Variants in CDYL2 observed in about 807,000 individuals in gnomAD.
The protein encoded by CDYL2 is chromodomain Y like 2, also known as chromodomain Y-like protein 2.
Under a neutral mutation model 49.4 loss-of-function variants are expected in CDYL2, and 23 were observed. The ratio of observed to expected loss-of-function variants is 0.47; its 90% CI spans 0.34 to 0.66. CDYL2 has a LOEUF of 0.66. CDYL2 is among the 30% of genes least tolerant of loss of function. The pLI, the probability that CDYL2 is intolerant of heterozygous loss-of-function variation, is 0.01. For synonymous variants in CDYL2, 360 were observed against 268.8 expected, an observed-to-expected ratio of 1.34 and a Z score of -3.32; for missense variants, 678 against 656.4, an observed-to-expected ratio of 1.03 and a Z score of -0.36.
At position 80,620,949 on chromosome 16, in the gene CDYL2, T is replaced by C. The variant is rs747606512; in HGVS notation, c.835-14A>G. The C allele has an allele frequency of 1.9e-6, 3 of 1,582,910 alleles. No homozygotes were observed. Among genetic ancestry groups the C allele is most frequent in the African/African-American group, 2.7e-5 (2 of 74,152 alleles). On this transcript the variant is annotated splice_polypyrimidine_tract_variant and intron_variant, in intron 3 of 6. Transcript: ENST00000570137. ...TTCTTTCATGATCTGCCGGCAGAGATGAATTTGCAGGGATGTTAAGTGTCT... is the reference window on the plus strand; with the variant it reads ...TTCTTTCATGATCTGCCGGCAGAGACGAATTTGCAGGGATGTTAAGTGTCT...
At chr16:80,636,661 C>G (rs1024538243) in intron 2 of CDYL2, among the ~76,000 whole-genome samples, 1 of 152,156 alleles carries the variant, frequency 6.6e-6, no homozygotes, top group Non-Finnish European at 1.5e-5. Flanking sequence ...CCTCAAGGAT[C>G]TAGAACTAGA....
At chr16:80,693,708 G>C (rs999777861) in intron 1 of CDYL2, among the ~76,000 whole-genome samples, 1 of 152,140 alleles carries the variant, frequency 6.6e-6, no homozygotes, top group Non-Finnish European at 1.5e-5. Context: ...CTACACAAGG[G>C]AATCTTTAGG....
intron 1 of CDYL2, among the ~76,000 whole-genome samples, chr16:80,774,324 T>C (rs59305668): frequency 0.11 from 16,623 of 151,500 alleles, 1,743 homozygotes; most frequent in African/African-American, 0.27. Context: ...TGCGATCTTA[T>C]TTATATGTGG....
At chr16:80,661,393 T>G (rs1909038787) in intron 2 of CDYL2, among the ~76,000 whole-genome samples, 1 of 152,038 alleles carries the variant, frequency 6.6e-6, no homozygotes, top group African/African-American at 2.4e-5. Flanking sequence ...TTCCCCAGAG[T>G]CCTTTCTCTC....
intron 2 of CDYL2, among the ~76,000 whole-genome samples, chr16:80,683,187 G>A (rs1224446926): frequency 6.6e-6 from 1 of 152,204 alleles, no homozygotes; most frequent in South Asian, 2.1e-4. Context: ...CACGCACCCT[G>A]GTTTCATCAG....
intron 1 of CDYL2, among the ~76,000 whole-genome samples, chr16:80,704,112 T>C (rs549885642): frequency 1.6e-4 from 24 of 152,278 alleles, no homozygotes; most frequent in African/African-American, 5.8e-4. Flanking sequence ...TGAGGTACAT[T>C]AGATGGTGCT....
At chr16:80,716,467 C>T (rs567950679) in intron 1 of CDYL2, among the ~76,000 whole-genome samples, 3 of 150,092 alleles carry the variant, frequency 2.0e-5, no homozygotes, top group East Asian at 2.0e-4. Flanking sequence ...GATGAATGGA[C>T]GGATAGCTGG....
chr16:80,692,990 A>T (rs1327091728), intron 1 of CDYL2, among the ~76,000 whole-genome samples: 1 of 152,192 alleles, frequency 6.6e-6, no homozygotes, highest in African/African-American at 2.4e-5. Flanking sequence ...CTCAATAATA[A>T]AAAGGAATGA....
intron 1 of CDYL2, among the ~76,000 whole-genome samples, chr16:80,771,115 A>G (rs561840875): frequency 6.6e-6 from 1 of 152,306 alleles, no homozygotes; most frequent in South Asian, 2.1e-4. Context: ...CATCTTTGTA[A>G]GTGGTTTAAG....
At chr16:80,724,968 G>A (rs1905117747) in intron 1 of CDYL2, among the ~76,000 whole-genome samples, 1 of 152,172 alleles carries the variant, frequency 6.6e-6, no homozygotes, top group South Asian at 2.1e-4. Context: ...ACTGAACTAA[G>A]AATGAAATCC....
At chr16:80,641,897 T>C (rs1270215874) in intron 2 of CDYL2, among the ~76,000 whole-genome samples, 1 of 145,474 alleles carries the variant, frequency 6.9e-6, no homozygotes, top group Non-Finnish European at 1.5e-5. Flanking sequence ...TAAAGTATAA[T>C]AATAAAAAAA....
chr16:80,703,521 A>G (rs751083065), intron 1 of CDYL2, among the ~76,000 whole-genome samples: 2 of 152,126 alleles, frequency 1.3e-5, no homozygotes, highest in Non-Finnish European at 2.9e-5. Context: ...GCTGGTGCCC[A>G]TGAGTCAATG....
chr16:80,789,201 G>A (rs1219737803), intron 1 of CDYL2, among the ~76,000 whole-genome samples: 1 of 152,142 alleles, frequency 6.6e-6, no homozygotes, highest in Non-Finnish European at 1.5e-5. Flanking sequence ...AACCTCTATG[G>A]AAAACAGTAT....
intron 1 of CDYL2, among the ~76,000 whole-genome samples, chr16:80,696,596 A>T (rs2142494618): frequency 6.6e-6 from 1 of 152,238 alleles, no homozygotes; most frequent in African/African-American, 2.4e-5. Context: ...AACAAATTGG[A>T]AAGCCTAGAC....
rs886091903 is a variant in CDYL2, at chr16:80,620,870, G to A, written c.900C>T (p.Leu300=). The A allele has an allele frequency of 6.8e-6, 11 of 1,612,462 alleles. No homozygotes were observed. The highest frequency in any genetic ancestry group is 2.2e-5 in the East Asian group (1 of 44,830). The part of the protein sequence containing the change: ...AATDDSKLLL[L]SAVGSVFCSG... ...TGCAGAACACGCTCCCCACTGCGCTGAGGAGCAGCAGTTTGCTGTCGTCTG... is the reference window on the plus strand; with the variant it reads ...TGCAGAACACGCTCCCCACTGCGCTAAGGAGCAGCAGTTTGCTGTCGTCTG... The change falls in exon 4 of 7, where the codon CTC becomes CTT. Residue 300 remains leucine (L), a synonymous_variant. Coordinates refer to ENST00000570137, the MANE Select transcript of CDYL2 (RefSeq NM_152342.4).
intron 2 of CDYL2, among the ~76,000 whole-genome samples, chr16:80,681,091 T>C (rs1909950559): frequency 1.3e-5 from 2 of 152,136 alleles, no homozygotes; most frequent in Non-Finnish European, 2.9e-5. Flanking sequence ...CCACAGTAGA[T>C]CAGGGAAGTC....
intron 1 of CDYL2, among the ~76,000 whole-genome samples, chr16:80,710,148 C>T (rs1029728913): frequency 2.6e-5 from 4 of 152,046 alleles, no homozygotes; most frequent in African/African-American, 7.2e-5. Context: ...AGGCTGGTCT[C>T]GAACTCCTGA....
intron 1 of CDYL2, among the ~76,000 whole-genome samples, chr16:80,728,351 T>C (rs1244479694): frequency 6.6e-6 from 1 of 151,892 alleles, no homozygotes; most frequent in Non-Finnish European, 1.5e-5. Context: ...GTATCAGTGA[T>C]GGAAGATGAA....
At chr16:80,659,890 G>C (rs1908971558) in intron 2 of CDYL2, among the ~76,000 whole-genome samples, 1 of 151,762 alleles carries the variant, frequency 6.6e-6, no homozygotes, top group Admixed American at 6.6e-5. Context: ...GTACCAAGCA[G>C]GACACACAGA....
Sources: gnomAD v4.1 joint callset for allele counts (sites outside exome capture counted in the v4.1 genomes callset) on GRCh38, gnomAD v4.1.1 for gene constraint, MANE v1.5 for transcripts, NCBI Gene and HGNC (gene_info 2026-07-23, HGNC 2026-07-21) for gene names.